Variants in TET2 observed in about 807,000 individuals in gnomAD.
TET2 encodes methylcytosine dioxygenase TET2.
In TET2, 299 loss-of-function variants were observed where a neutral mutation model predicts 142.9. That is an observed-to-expected ratio of 2.09 (90% CI 1.90 to 2.30). TET2 has a LOEUF of 2.30. TET2 is among the 30% of genes most tolerant of loss of function. The probability of loss-of-function intolerance (pLI) is 0.00; values close to 1 mark genes in which losing one functional copy is unlikely to be tolerated. For synonymous variants in TET2, 819 were observed against 849.0 expected (o/e 0.96, Z 0.61); for missense variants, 2,418 against 2,378.0 (o/e 1.02, Z -0.35).
At chr4:105,160,961 AGG>A (rs1723824824) in intron 1 of TET2, among the ~76,000 whole-genome samples, 1 of 152,108 alleles carries the variant, frequency 6.6e-6, no homozygotes, top group Non-Finnish European at 1.5e-5. Context: ...TTTTTAGTAG[AGG>A]CGGGGTTTTA....
At chr4:105,163,854 A>AGAGAGTGTGTGTGT (rs1553942671) in intron 1 of TET2, among the ~76,000 whole-genome samples, 10 of 85,158 alleles carry the variant, frequency 1.2e-4, no homozygotes, top group South Asian at 4.7e-4. Context: ...AGAGAGAGAG[A>AGAGAGTGTGTGTGT]GTGTGTGTGT....
chr4:105,210,811 AGGACAT>A (rs1157807882), intron 2 of TET2, among the ~76,000 whole-genome samples: 1 of 152,194 alleles, frequency 6.6e-6, no homozygotes, highest in African/African-American at 2.4e-5. Flanking sequence ...TCTCTAGTTC[AGGACAT>A]TCTATCCTTT....
intron 1 of TET2, among the ~76,000 whole-genome samples, chr4:105,150,269 A>C (rs1313911500): frequency 6.6e-6 from 1 of 152,232 alleles, no homozygotes; most frequent in Non-Finnish European, 1.5e-5. Context: ...AGAATATCTA[A>C]TATTTAGAAA....
In TET2 at chr4:105,190,861, C is replaced by T. The variant is rs1439122079; in HGVS notation, c.-47+356C>T. ...AGTATTTATCGCCTCCATTTTGCTT[C>T]ACTTGTAGCCACTTCGTCTCAATCT... On this transcript the variant is annotated intron_variant, in intron 2 of 10. Coordinates refer to ENST00000380013, the MANE Select transcript of TET2 (RefSeq NM_001127208.3). 2.0e-5 allele frequency among the ~76,000 whole-genome samples: 3 copies of T among 152,176 alleles called. 1 individual carries two copies. Among genetic ancestry groups the T allele is most frequent in the African/African-American group, 7.2e-5 (3 of 41,438 alleles).
intron 1 of TET2, among the ~76,000 whole-genome samples, chr4:105,181,083 A>AT (rs1481514077): frequency 6.6e-6 from 1 of 152,100 alleles, no homozygotes; most frequent in African/African-American, 2.4e-5. Flanking sequence ...GATTCTGTAA[A>AT]TCATCACTCT....
intron 1 of TET2, among the ~76,000 whole-genome samples, chr4:105,157,191 T>C (rs1364985591): frequency 7.5e-5 from 8 of 106,306 alleles, no homozygotes; most frequent in African/African-American, 3.6e-4. Context: ...ATTAAAATAT[T>C]AATTCATTTA....
intron 2 of TET2, among the ~76,000 whole-genome samples, chr4:105,209,049 G>GTACA (rs1553949669): frequency 1.8e-4 from 8 of 44,314 alleles, no homozygotes; most frequent in Non-Finnish European, 6.6e-4. Flanking sequence ...TCAAGGCATG[G>GTACA]TATATATATA....
intron 2 of TET2, among the ~76,000 whole-genome samples, chr4:105,224,820 C>G (rs1399314135): frequency 2.0e-5 from 3 of 149,572 alleles, no homozygotes; most frequent in Non-Finnish European, 4.4e-5. Context: ...TGTTAAATTG[C>G]CTGGTTATAA....
chr4:105,179,799 C>T (rs1390077869), intron 1 of TET2, among the ~76,000 whole-genome samples: 1 of 152,220 alleles, frequency 6.6e-6, no homozygotes. Context: ...GGAAGATTGA[C>T]ATCCCACTGG....
intron 4 of TET2, chr4:105,241,993 C>G (rs1185157496): frequency 8.1e-7 from 1 of 1,240,824 alleles, no homozygotes; most frequent in Non-Finnish European, 1.0e-6. Context: ...GCCTTTACTC[C>G]TGCATGTAGA....
intron 7 of TET2, among the ~76,000 whole-genome samples, chr4:105,260,619 T>C (rs1337153614): frequency 6.6e-6 from 1 of 152,160 alleles, no homozygotes; most frequent in South Asian, 2.1e-4. Flanking sequence ...TTAAAATATT[T>C]CCATACTATA....
At chr4:105,199,915 A>G (rs184585841) in intron 2 of TET2, among the ~76,000 whole-genome samples, 1 of 151,272 alleles carries the variant, frequency 6.6e-6, no homozygotes, top group Non-Finnish European at 1.5e-5. Context: ...TGTATATATA[A>G]CACAGTTTTT....
chr4:105,222,465 G>T (rs956265259), intron 2 of TET2, among the ~76,000 whole-genome samples: 6 of 152,258 alleles, frequency 3.9e-5, no homozygotes, highest in African/African-American at 1.4e-4. Context: ...CTGATGGCCA[G>T]TGATGGTGAG....
In TET2 at chr4:105,237,176, C is replaced by T. The variant is rs184727510; in HGVS notation, c.3234C>T (p.Thr1078=). The change falls in exon 3 of 11, where the codon ACC becomes ACT. Residue 1078 remains threonine (T), a synonymous_variant. Coordinates refer to ENST00000380013, the MANE Select transcript of TET2 (RefSeq NM_001127208.3). Reference sequence around the variant, plus strand: ...CTGCTGCAGAACTTGATAGCCACACCCCAGCTTTAGAGCAGCAAACAACTT... The same window carrying T: ...CTGCTGCAGAACTTGATAGCCACACTCCAGCTTTAGAGCAGCAAACAACTT... ...QTTAAELDSH[T]PALEQQTTSS... 4 of 1,614,090 alleles carry T rather than the reference C, an allele frequency of 2.5e-6. No homozygotes were observed. The Admixed American group carries it at 6.7e-5, about 27-fold the overall frequency.
At chr4:105,270,111 G>T (rs569802087) in intron 9 of TET2, among the ~76,000 whole-genome samples, 1 of 152,272 alleles carries the variant, frequency 6.6e-6, no homozygotes, top group African/African-American at 2.4e-5. Flanking sequence ...TGAGATTTAG[G>T]TAGGGACACA....
chr4:105,262,316 C>T (rs2110289451), intron 8 of TET2, among the ~76,000 whole-genome samples: 1 of 152,254 alleles, frequency 6.6e-6, no homozygotes, highest in South Asian at 2.1e-4. Flanking sequence ...TCAGATTTTG[C>T]TGATCTTCCT....
At chr4:105,169,668 G>C (rs1257126116) in intron 1 of TET2, among the ~76,000 whole-genome samples, 1 of 152,162 alleles carries the variant, frequency 6.6e-6, no homozygotes, top group Non-Finnish European at 1.5e-5. Context: ...CCAATGTCTA[G>C]AAGGGTTTTT....
chr4:105,220,135 T>C (rs1429416928), intron 2 of TET2, among the ~76,000 whole-genome samples: 1 of 152,158 alleles, frequency 6.6e-6, no homozygotes, highest in Non-Finnish European at 1.5e-5. Context: ...TCTACCAGTG[T>C]CATTATATAA....
At chr4:105,224,542 G>T (rs1399284763) in intron 2 of TET2, among the ~76,000 whole-genome samples, 2 of 152,128 alleles carry the variant, frequency 1.3e-5, no homozygotes, top group East Asian at 1.9e-4. Flanking sequence ...AACTGCTGTG[G>T]CTAAAACCTG....
Sources: gnomAD v4.1 joint callset for allele counts (sites outside exome capture counted in the v4.1 genomes callset) on GRCh38, gnomAD v4.1.1 for gene constraint, MANE v1.5 for transcripts, NCBI Gene and HGNC (gene_info 2026-07-23, HGNC 2026-07-21) for gene names.